RARS1: variants seen among roughly 807,000 people sequenced by gnomAD.
RARS1 encodes arginyl-tRNA synthetase 1.
In RARS1, 75 loss-of-function variants were observed where a neutral mutation model predicts 78.7. The ratio of observed to expected loss-of-function variants is 0.95; its 90% confidence interval spans 0.79 to 1.15. The LOEUF (loss-of-function observed/expected upper bound fraction) is 1.15, where lower values mean the gene tolerates loss of function less well. Among genes scored for constraint, RARS1 ranks in the 50% most tolerant of loss-of-function variants. The probability of loss-of-function intolerance (pLI) is 0.00; values close to 1 mark genes in which losing one functional copy is unlikely to be tolerated. For missense variants in RARS1, 787 were observed against 787.5 expected, an observed-to-expected ratio of 1.00 and a Z score of 0.01; for synonymous variants, 273 against 268.2, an observed-to-expected ratio of 1.02 and a Z score of -0.18.
intron 7 of RARS1, 131 bp from the exon 8 acceptor site, chr5:168,500,460 G>A: frequency 1.2e-6 from 1 of 855,310 alleles, no homozygotes; most frequent in Non-Finnish European, 1.6e-6. Flanking sequence ...ACTATTGAGG[G>A]AGAGCACTTG....
chr5:168,494,671 T>A, intron 5 of RARS1, 21 bp downstream of exon 5: 1 of 1,459,490 alleles, frequency 6.9e-7, no homozygotes, highest in Non-Finnish European at 9.6e-7. Context: ...ACTCTTCTAT[T>A]AATATATTAG....
rs867224707 is a variant in RARS1 at position 168,492,782 on chromosome 5, G to A, written c.304G>A (p.Val102Met). The A allele has an allele frequency of 7.4e-6, 12 of 1,613,948 alleles. No individual in the cohort carries two copies. The Admixed American group carries it at 1.5e-4, about 20-fold the overall frequency. ...AGATTTGGAAAATCCTCCTCTGCTA[G>A]TGACACCAAGTCAGCAGGCCAAGTT... ...YPDLENPPLL[V>M]TPSQQAKFGD... Residue 102 changes from valine to methionine, a missense_variant, in exon 3 of 15, where the codon GTG (valine) becomes ATG (methionine). By Grantham distance (21) the Val-to-Met change is conservative. Transcript: ENST00000231572.
intron 9 of RARS1, among the ~76,000 whole-genome samples, chr5:168,504,601 C>A (rs1358813984): frequency 6.6e-6 from 1 of 151,440 alleles, no homozygotes; most frequent in African/African-American, 2.4e-5. Context: ...CCGAGGCAGG[C>A]GGATCACGAG....
chr5:168,486,517 G>T lies in RARS1; in HGVS notation c.19G>T (p.Glu7Ter). Residue 7 changes from glutamate (E) to a stop codon, truncating the protein, a stop_gained, in exon 1 of 15, where the codon GAG becomes TAG. Transcript: ENST00000231572. LOFTEE classifies it high-confidence loss of function. MDVLVS[E>*]CSARLLQQEE... ...TGGGAGGATGGACGTACTGGTGTCT[G>T]AGTGCTCCGCGCGGCTGCTGCAGCA... 2 of 1,559,274 alleles carry T rather than the reference G, an allele frequency of 1.3e-6. No homozygotes were observed. The highest frequency in any genetic ancestry group is 1.2e-5 in the South Asian group (1 of 84,676).
chr5:168,494,190 T>C lies in RARS1; in HGVS notation c.478+188T>C, dbSNP rs1003105344. The C allele has an allele frequency of 2.9e-5, 28 of 951,638 alleles. No homozygotes were observed. The African/African-American group carries it at 5.0e-4, about 17-fold the overall frequency. The allele number at this position is 951,638 out of a possible 1,614,324, so 58.9% of individuals were successfully genotyped here. On this transcript the variant is annotated intron_variant, in intron 4 of 14. Coordinates refer to ENST00000231572, the MANE Select transcript of RARS1 (RefSeq NM_002887.4). ...ACTCAGCTACCACTTTTAGCTGCCT[T>C]ATCTTGAATGAGTTACTTTGCCTCT... is the stretch of plus-strand genomic sequence containing the variant.
intron 9 of RARS1, 90 bp downstream of exon 9, chr5:168,502,195 CTCA>C (rs1384473617): frequency 2.2e-4 from 324 of 1,485,118 alleles, no homozygotes; most frequent in Non-Finnish European, 2.7e-4. Context: ...GCTTCATGTA[CTCA>C]TCATCCAATT....
intron 2 of RARS1, among the ~76,000 whole-genome samples, chr5:168,490,052 G>C (rs1386670253): frequency 6.6e-6 from 1 of 152,156 alleles, no homozygotes; most frequent in African/African-American, 2.4e-5. Flanking sequence ...GACCTCAGGT[G>C]ATCTGCCTGT....
chr5:168,506,358 C>T (rs1758445655), intron 10 of RARS1, among the ~76,000 whole-genome samples, 159 bp downstream of exon 10: 1 of 152,156 alleles, frequency 6.6e-6, no homozygotes, highest in African/African-American at 2.4e-5. Context: ...GGTTTGGACC[C>T]AGCCAAACTG....
At chr5:168,505,769 GA>G (rs1758432298) in intron 9 of RARS1, among the ~76,000 whole-genome samples, 1 of 150,250 alleles carries the variant, frequency 6.7e-6, no homozygotes, top group African/African-American at 2.5e-5. Context: ...TTTAAGTGTG[GA>G]AAACTGCCAG....
chr5:168,508,432 C>T (rs1758493069), intron 11 of RARS1, among the ~76,000 whole-genome samples: 1 of 151,344 alleles, frequency 6.6e-6, no homozygotes, highest in Non-Finnish European at 1.5e-5. Context: ...CCAGCCTGGC[C>T]AACATGGTGA....
chr5:168,490,145 C>T (rs1422876420), intron 2 of RARS1, among the ~76,000 whole-genome samples: 1 of 152,120 alleles, frequency 6.6e-6, no homozygotes, highest in Non-Finnish European at 1.5e-5. Context: ...CTGCTATGCT[C>T]GAGTCTCATA....
intron 9 of RARS1, among the ~76,000 whole-genome samples, chr5:168,502,382 A>ATTTTT (rs376556548): frequency 5.9e-5 from 7 of 119,400 alleles, no homozygotes; most frequent in African/African-American, 2.2e-4. Flanking sequence ...ATATATATAT[A>ATTTTT]TATTTTTTTT....
intron 7 of RARS1, among the ~76,000 whole-genome samples, chr5:168,500,150 C>G (rs1021275051): frequency 2.1e-5 from 2 of 96,548 alleles, no homozygotes; most frequent in African/African-American, 6.7e-5. Flanking sequence ...TCATGCCACT[C>G]CAGCCACTCC....
intron 14 of RARS1, 63 bp downstream of exon 14, chr5:168,518,125 T>C: frequency 7.3e-7 from 1 of 1,365,278 alleles, no homozygotes; most frequent in Non-Finnish European, 9.4e-7. Context: ...GCTCTGTCCC[T>C]TGGGCTGGAG....
In RARS1 at chr5:168,497,218, T is replaced by C. The variant is rs772203982; in HGVS notation, c.702-10T>C. 1 of 1,466,512 alleles carries C rather than the reference T, an allele frequency of 6.8e-7. No homozygotes were observed. The highest frequency in any genetic ancestry group is 1.5e-5 in the South Asian group (1 of 67,028). The allele number at this position is 1,466,512 out of a possible 1,614,324, so 90.8% of individuals were successfully genotyped here. A position where few individuals can be genotyped will look rare whatever the true frequency, so the allele number is the denominator to read the frequency against. On this transcript the variant is annotated splice_polypyrimidine_tract_variant and intron_variant, in intron 6 of 14. Coordinates refer to ENST00000231572, the MANE Select transcript of RARS1 (RefSeq NM_002887.4). Reference sequence around the variant, plus strand: ...TAAAAAATGATTATATATTCTCTGATTGGTGTTAGGTTAAATCATGTAGGA... The same window carrying C: ...TAAAAAATGATTATATATTCTCTGACTGGTGTTAGGTTAAATCATGTAGGA...
At chr5:168,489,090 G>T (rs912846981) in intron 2 of RARS1, among the ~76,000 whole-genome samples, 2 of 152,052 alleles carry the variant, frequency 1.3e-5, no homozygotes, top group African/African-American at 4.8e-5. Flanking sequence ...GCATCATCAC[G>T]GCTCAGTACA....
At chr5:168,488,182 C>T (rs1430116741) in intron 1 of RARS1, 1 of 382,766 alleles carries the variant, frequency 2.6e-6, no homozygotes, top group Non-Finnish European at 5.1e-6. Context: ...GACTGGAGTG[C>T]AGTGGCACGA....
At chr5:168,500,200 C>CAAAAAAAAA (rs36015007) in intron 7 of RARS1, among the ~76,000 whole-genome samples, 1 of 47,778 alleles carries the variant, frequency 2.1e-5, no homozygotes, top group Non-Finnish European at 3.7e-5. Flanking sequence ...GACTCTGTCT[C>CAAAAAAAAA]AAAAAAAAAA....
At chr5:168,499,751 G>A (rs1023531519) in intron 7 of RARS1, among the ~76,000 whole-genome samples, 2 of 151,814 alleles carry the variant, frequency 1.3e-5, no homozygotes, top group African/African-American at 4.8e-5. Context: ...ACATATATGT[G>A]TATTTGCAAA....
Sources: gnomAD v4.1 joint callset for allele counts (sites outside exome capture counted in the v4.1 genomes callset) on GRCh38, gnomAD v4.1.1 for gene constraint, MANE v1.5 for transcripts, NCBI Gene and HGNC (gene_info 2026-07-23, HGNC 2026-07-21) for gene names.